The following SPOCK3 variants were observed in gnomAD, a reference collection of about 807,000 sequenced individuals.
SPOCK3 encodes the protein SPARC (osteonectin), cwcv and kazal like domains proteoglycan 3, also known as testican-3.
A neutral mutation model predicts 56.6 loss-of-function variants in SPOCK3; 30 were observed. The ratio of observed to expected loss-of-function variants is 0.53; its 90% CI spans 0.40 to 0.72. SPOCK3 has a LOEUF of 0.72. Ranked by LOEUF, SPOCK3 falls within the 30% of genes least tolerant of loss-of-function variation. The pLI is 0.00. For missense variants in SPOCK3, 527 were observed against 530.0 expected (o/e 0.99, Z 0.06); for synonymous variants, 196 against 183.3 (o/e 1.07, Z -0.56).
chr4:166,745,069 A>T (rs1156913890), intron 8 of SPOCK3, among the ~76,000 whole-genome samples: 1 of 152,232 alleles, frequency 6.6e-6, no homozygotes, highest in African/African-American at 2.4e-5. Flanking sequence ...ACTCTGCACG[A>T]TATTAACCAG....
chr4:167,002,764 A>T (rs1749071591), intron 3 of SPOCK3, among the ~76,000 whole-genome samples: 1 of 152,184 alleles, frequency 6.6e-6, no homozygotes, highest in Non-Finnish European at 1.5e-5. Flanking sequence ...TTCTTGTTGG[A>T]CAACATAAAA....
chr4:167,142,018 C>T (rs1763573692), intron 2 of SPOCK3, among the ~76,000 whole-genome samples: 1 of 151,998 alleles, frequency 6.6e-6, no homozygotes, highest in African/African-American at 2.4e-5. Flanking sequence ...GGACCAATGG[C>T]TTCTAAAGGA....
intron 4 of SPOCK3, among the ~76,000 whole-genome samples, chr4:166,967,560 T>C (rs150709174): frequency 2.6e-5 from 4 of 152,318 alleles, no homozygotes; most frequent in African/African-American, 9.6e-5. Flanking sequence ...TGTGAAGACA[T>C]GCTTGCCTCC....
At chr4:166,938,786 A>G (rs1053031947) in intron 4 of SPOCK3, among the ~76,000 whole-genome samples, 3 of 152,160 alleles carry the variant, frequency 2.0e-5, no homozygotes, top group Non-Finnish European at 4.4e-5. Context: ...CTATACATAT[A>G]TAGTAATCAT....
At chr4:166,959,074 C>A (rs558646233) in intron 4 of SPOCK3, among the ~76,000 whole-genome samples, 1 of 152,182 alleles carries the variant, frequency 6.6e-6, no homozygotes, top group South Asian at 2.1e-4. Flanking sequence ...ATGCTATAAG[C>A]ATAGCATTAA....
At chr4:166,856,780 T>TTATCTATCTATCTATCTATCTATCTATC (rs75127358) in intron 6 of SPOCK3, among the ~76,000 whole-genome samples, 1 of 149,270 alleles carries the variant, frequency 6.7e-6, no homozygotes, top group Non-Finnish European at 1.5e-5. Flanking sequence ...CTCAAAAAAA[T>TTATCTATCTATCTATCTATCTATCTATC]TATCTATCTA....
chr4:166,749,207 G>T (rs1466075161), intron 8 of SPOCK3, among the ~76,000 whole-genome samples: 1 of 137,042 alleles, frequency 7.3e-6, no homozygotes, highest in Non-Finnish European at 1.5e-5. Flanking sequence ...TTGCAGCACT[G>T]CTCACAATAG....
intron 4 of SPOCK3, among the ~76,000 whole-genome samples, chr4:166,966,831 A>G (rs1277758263): frequency 6.6e-6 from 1 of 152,174 alleles, no homozygotes; most frequent in Non-Finnish European, 1.5e-5. Context: ...CAAGGAGTTT[A>G]TAGATCACAC....
At chr4:167,162,096 A>G (rs909576472) in intron 2 of SPOCK3, among the ~76,000 whole-genome samples, 1 of 151,514 alleles carries the variant, frequency 6.6e-6, no homozygotes, top group African/African-American at 2.4e-5. Flanking sequence ...TTGCTAAACC[A>G]CTCCCCACCT....
intron 4 of SPOCK3, among the ~76,000 whole-genome samples, chr4:166,929,225 C>T (rs140447046): frequency 4.1e-3 from 617 of 152,234 alleles, no homozygotes; most frequent in Middle Eastern, 6.8e-3. Context: ...GTTTAAAACA[C>T]ATAGCAGAGG....
At chr4:166,992,461 G>A (rs1451929293) in intron 4 of SPOCK3, among the ~76,000 whole-genome samples, 1 of 152,048 alleles carries the variant, frequency 6.6e-6, no homozygotes, top group Non-Finnish European at 1.5e-5. Flanking sequence ...AGACTGAATT[G>A]GAAGAACTAG....
At chr4:167,088,120 C>CA (rs1183560486) in intron 2 of SPOCK3, among the ~76,000 whole-genome samples, 2 of 151,780 alleles carry the variant, frequency 1.3e-5, no homozygotes, top group Non-Finnish European at 2.9e-5. Context: ...TGATATATAA[C>CA]AAGTACTATT....
intron 5 of SPOCK3, among the ~76,000 whole-genome samples, chr4:166,892,035 A>G (rs1044647884): frequency 6.6e-6 from 1 of 152,066 alleles, no homozygotes; most frequent in Non-Finnish European, 1.5e-5. Flanking sequence ...CAACAAACAT[A>G]CAACAACTAT....
At chr4:166,978,474 C>A (rs987110903) in intron 4 of SPOCK3, among the ~76,000 whole-genome samples, 1 of 152,112 alleles carries the variant, frequency 6.6e-6, no homozygotes, top group Non-Finnish European at 1.5e-5. Flanking sequence ...GAATAAAAAA[C>A]ACAGATGAAT....
At chr4:166,919,161 A>T (rs889329955) in intron 4 of SPOCK3, among the ~76,000 whole-genome samples, 2 of 152,206 alleles carry the variant, frequency 1.3e-5, no homozygotes, top group Non-Finnish European at 2.9e-5. Flanking sequence ...CTAAAGAATG[A>T]TTATAATAAT....
chr4:166,774,229 C>T (rs922801061), intron 7 of SPOCK3, among the ~76,000 whole-genome samples: 1 of 152,046 alleles, frequency 6.6e-6, no homozygotes, highest in Admixed American at 6.6e-5. Context: ...TTATGACCAC[C>T]TCCAGTTTTT....
intron 4 of SPOCK3, among the ~76,000 whole-genome samples, chr4:166,995,847 G>A (rs1439033728): frequency 6.6e-6 from 1 of 152,010 alleles, no homozygotes; most frequent in Non-Finnish European, 1.5e-5. Context: ...TCAAGTATAA[G>A]AAGCATTATT....
intron 2 of SPOCK3, among the ~76,000 whole-genome samples, chr4:167,184,449 A>G (rs1731779871): frequency 6.6e-6 from 1 of 152,170 alleles, no homozygotes; most frequent in Non-Finnish European, 1.5e-5. Flanking sequence ...ATTTAGTAGG[A>G]GATAACATTT....
At chr4:166,948,000 T>C (rs538677647) in intron 4 of SPOCK3, among the ~76,000 whole-genome samples, 11 of 152,254 alleles carry the variant, frequency 7.2e-5, no homozygotes, top group Admixed American at 1.3e-4. Context: ...ACCTATTCTC[T>C]AACCTCTCCC....
Sources: allele counts gnomAD v4.1 joint callset (sites outside exome capture counted in the v4.1 genomes callset), GRCh38; gene constraint gnomAD v4.1.1; transcripts MANE v1.5; gene names NCBI Gene and HGNC (gene_info 2026-07-23, HGNC 2026-07-21).